FOXP1: variants seen among roughly 807,000 people sequenced by gnomAD.
FOXP1 encodes forkhead box protein P1.
A neutral mutation model predicts 98.2 loss-of-function variants in FOXP1; 15 were observed. The observed-to-expected ratio is 0.15, with a 90% CI of 0.10 to 0.24. FOXP1 has a LOEUF of 0.24. Ranked by LOEUF, FOXP1 falls within the 10% of genes least tolerant of loss-of-function variation. FOXP1 has a pLI of 1.00. For synonymous variants in FOXP1, 371 were observed against 314.5 expected (o/e 1.18, Z -1.90); for missense variants, 633 against 848.5 (o/e 0.75, Z 3.15).
chr3:71,180,052 C>A (rs1354588039), intron 6 of FOXP1, among the ~76,000 whole-genome samples: 1 of 152,116 alleles, frequency 6.6e-6, no homozygotes, highest in African/African-American at 2.4e-5. Flanking sequence ...CACTCAGCAA[C>A]CATTCTCTAA....
chr3:71,040,922 G>A (rs981706449), intron 11 of FOXP1, among the ~76,000 whole-genome samples: 4 of 152,130 alleles, frequency 2.6e-5, no homozygotes, highest in Non-Finnish European at 4.4e-5. Flanking sequence ...AGTAACATAA[G>A]TTCTATGTTT....
At chr3:71,267,730 G>C (rs1167835074) in intron 5 of FOXP1, among the ~76,000 whole-genome samples, 2 of 152,174 alleles carry the variant, frequency 1.3e-5, no homozygotes, top group Non-Finnish European at 2.9e-5. Flanking sequence ...AAAAATGTCT[G>C]TGTTGGGCCA....
At chr3:71,258,509 T>C (rs1243721357) in intron 5 of FOXP1, among the ~76,000 whole-genome samples, 1 of 152,104 alleles carries the variant, frequency 6.6e-6, no homozygotes, top group Non-Finnish European at 1.5e-5. Flanking sequence ...CCAGATATTT[T>C]GTGGAAAGCT....
In FOXP1 at chr3:71,343,076, C is replaced by T. The variant is rs529318716; in HGVS notation, c.-73+16074G>A. On this transcript the variant is annotated intron_variant, in intron 4 of 20. Coordinates refer to ENST00000649528, the MANE Select transcript of FOXP1 (RefSeq NM_001349338.3). Reference sequence around the variant, plus strand: ...GCTAGTATATTGCTTATAAAAGTAGCTGTCACACAGAACAAATGGCCAGAT... The same window carrying T: ...GCTAGTATATTGCTTATAAAAGTAGTTGTCACACAGAACAAATGGCCAGAT... 4.6e-5 allele frequency among the ~76,000 whole-genome samples: 7 copies of T among 152,326 alleles called. No individual in the cohort carries two copies. In the East Asian group the frequency reaches 1.3e-3, roughly 29 times the overall value.
intron 5 of FOXP1, among the ~76,000 whole-genome samples, chr3:71,264,615 G>T (rs963098595): frequency 6.6e-6 from 1 of 152,142 alleles, no homozygotes; most frequent in South Asian, 2.1e-4. Flanking sequence ...TGGCTGGTTT[G>T]CTGAGCACTA....
rs564494200 is a variant in FOXP1 at position 71,401,761 on chromosome 3, C to T, written c.-167-42517G>A. Among the ~76,000 whole-genome samples, 124 of 152,280 alleles carry T rather than the reference C, an allele frequency of 8.1e-4. 1 individual carries two copies. The highest frequency in any genetic ancestry group is 2.8e-3 in the African/African-American group (118 of 41,550). The stretch of plus-strand genomic sequence containing the variant: ...TCTTGTTACAACCTGCAACTAAAGA[C>T]GAGGCTCTCCCCATTCAATCAATGA... On this transcript the variant is annotated intron_variant, in intron 3 of 20. Transcript: ENST00000649528.
chr3:71,204,108 G>C (rs1190691863), intron 5 of FOXP1, among the ~76,000 whole-genome samples: 1 of 152,202 alleles, frequency 6.6e-6, no homozygotes, highest in Admixed American at 6.5e-5. Flanking sequence ...ATAAGGATGA[G>C]ACTCAGACTA....
chr3:71,198,435 A>G (rs994641140), intron 5 of FOXP1, 43 bp from the exon 6 acceptor site: 8 of 1,204,454 alleles, frequency 6.6e-6, no homozygotes, highest in East Asian at 2.7e-5. Flanking sequence ...AGGGGGGGAG[A>G]AAAAAAAAGC....
At chr3:71,062,957 G>T (rs892135834) in intron 7 of FOXP1, among the ~76,000 whole-genome samples, 4 of 152,034 alleles carry the variant, frequency 2.6e-5, no homozygotes, top group Non-Finnish European at 2.9e-5. Flanking sequence ...CTTAATATTT[G>T]GTTGCTTATC....
rs1261161068 is a variant in FOXP1, at chr3:71,329,532, C to T, written c.-73+29618G>A. On this transcript the variant is annotated intron_variant, in intron 4 of 20. Transcript: ENST00000649528. ...CCGCGCCCGGCCACAAAGTCTAGACCTCTTAAATCTCACAACACAGGGTTG... is the reference window on the plus strand; with the variant it reads ...CCGCGCCCGGCCACAAAGTCTAGACTTCTTAAATCTCACAACACAGGGTTG... 6.6e-5 allele frequency among the ~76,000 whole-genome samples: 10 copies of T among 151,598 alleles called. No individual in the cohort carries two copies. The East Asian group carries it at 1.8e-3, about 27-fold the overall frequency.
intron 4 of FOXP1, among the ~76,000 whole-genome samples, chr3:71,316,197 G>T (rs2075064568): frequency 1.3e-5 from 2 of 152,140 alleles, no homozygotes; most frequent in Non-Finnish European, 2.9e-5. Flanking sequence ...CGGGTCGCCT[G>T]AACAAAGTGC....
chr3:71,124,000 G>A (rs2107841170), intron 6 of FOXP1, among the ~76,000 whole-genome samples: 1 of 152,114 alleles, frequency 6.6e-6, no homozygotes, highest in Admixed American at 6.5e-5. Flanking sequence ...GGGCGACAAG[G>A]GTGAAAAAAT....
intron 5 of FOXP1, among the ~76,000 whole-genome samples, chr3:71,234,503 G>A (rs2066609994): frequency 6.6e-6 from 1 of 152,212 alleles, no homozygotes; most frequent in Non-Finnish European, 1.5e-5. Flanking sequence ...GGCACAAGTT[G>A]CACCGCCTAC....
chr3:71,526,521 C>A (rs2043393248), intron 2 of FOXP1, among the ~76,000 whole-genome samples: 1 of 152,200 alleles, frequency 6.6e-6, no homozygotes, highest in Admixed American at 6.5e-5. Context: ...CCATCCAAAG[C>A]AGAAACGGGG....
In FOXP1 at chr3:71,260,631, C is replaced by T. The variant is rs527921508; in HGVS notation, c.-12+39189G>A. Among the ~76,000 whole-genome samples the T allele has an allele frequency of 2.3e-4, 35 of 151,312 alleles. No individual in the cohort carries two copies. The South Asian group carries it at 4.4e-3, about 19-fold the overall frequency. Reference sequence around the variant, plus strand: ...GATCTGGGCTCACTGCAACCTCCGTCTCCCAGGTTCAAGCAATTCTCCTGC... The same window carrying T: ...GATCTGGGCTCACTGCAACCTCCGTTTCCCAGGTTCAAGCAATTCTCCTGC... On this transcript the variant is annotated intron_variant, in intron 5 of 20. Coordinates refer to ENST00000649528, the MANE Select transcript of FOXP1 (RefSeq NM_001349338.3).
chr3:71,203,940 GGAAGGA>G (rs1445641974), intron 5 of FOXP1, among the ~76,000 whole-genome samples: 4 of 48,634 alleles, frequency 8.2e-5, no homozygotes, highest in Non-Finnish European at 2.1e-4. Context: ...AAAGGAAGGA[GGAAGGA>G]AGGAAGGAAG....
chr3:71,341,791 G>A (rs763488185), intron 4 of FOXP1, among the ~76,000 whole-genome samples: 28 of 152,342 alleles, frequency 1.8e-4, no homozygotes, highest in Admixed American at 4.6e-4. Flanking sequence ...ATATCCTAGA[G>A]CTTGACTCTC....
chr3:71,180,582 T>C (rs560055977), intron 6 of FOXP1, among the ~76,000 whole-genome samples: 2 of 152,272 alleles, frequency 1.3e-5, no homozygotes, highest in South Asian at 4.2e-4. Flanking sequence ...ACATGGTAGA[T>C]TTTTTTCTCC....
At chr3:71,199,906 C>T (rs2063556056) in intron 5 of FOXP1, among the ~76,000 whole-genome samples, 1 of 151,274 alleles carries the variant, frequency 6.6e-6, no homozygotes, top group Non-Finnish European at 1.5e-5. Flanking sequence ...TGAAACCCTG[C>T]CTCTACTAAA....
Sources: allele counts gnomAD v4.1 joint callset (sites outside exome capture counted in the v4.1 genomes callset), GRCh38; gene constraint gnomAD v4.1.1; transcripts MANE v1.5; gene names NCBI Gene and HGNC (gene_info 2026-07-23, HGNC 2026-07-21).